The following STK32B variants were observed in gnomAD, a reference collection of about 807,000 sequenced individuals.
STK32B encodes the protein serine/threonine kinase 32B.
Under a neutral mutation model 52.6 loss-of-function variants are expected in STK32B, and 43 were observed. The observed-to-expected ratio is 0.82, with a 90% CI of 0.64 to 1.05. STK32B has a LOEUF of 1.05. Among genes scored for constraint, STK32B ranks in the 50% least tolerant of loss-of-function variants. STK32B has a pLI of 0.00. For missense variants in STK32B, 621 were observed against 534.6 expected (o/e 1.16, Z -1.59); for synonymous variants, 238 against 204.3 (o/e 1.17, Z -1.41).
chr4:5,304,968 C>A lies in STK32B; in HGVS notation c.261-26252C>A, dbSNP rs1200613845. On this transcript the variant is annotated intron_variant, in intron 3 of 11. Transcript: ENST00000282908. Reference sequence around the variant, plus strand: ...GATCATGTGGTTTTTGTTTTTAATTCTGTTCATGTAGTGTATCACATTTAT... The same window carrying A: ...GATCATGTGGTTTTTGTTTTTAATTATGTTCATGTAGTGTATCACATTTAT... 2.0e-5 allele frequency among the ~76,000 whole-genome samples: 3 copies of A among 151,908 alleles called. No individual in the cohort carries two copies. In the East Asian group the frequency reaches 5.8e-4, roughly 29 times the overall value.
intron 11 of STK32B, among the ~76,000 whole-genome samples, chr4:5,473,600 C>A (rs1007207372): frequency 6.6e-6 from 1 of 152,128 alleles, no homozygotes; most frequent in Non-Finnish European, 1.5e-5. Flanking sequence ...CAAAATAGCC[C>A]CTGGCCATGT....
At chr4:5,202,103 G>A (rs1227794148) in intron 3 of STK32B, among the ~76,000 whole-genome samples, 1 of 152,192 alleles carries the variant, frequency 6.6e-6, no homozygotes, top group African/African-American at 2.4e-5. Flanking sequence ...TCAAAAGCAA[G>A]TTAGTTACTT....
chr4:5,064,406 TATAATATATAAATATATACTTATATAC>T (rs1742333024), intron 1 of STK32B, among the ~76,000 whole-genome samples: 7 of 123,972 alleles, frequency 5.6e-5, no homozygotes, highest in African/African-American at 1.8e-4. Context: ...CTTATATACA[TATAATATATAAATATATACTTATATAC>T]ATATAATATA....
At chr4:5,227,712 CT>C (rs371155863) in intron 3 of STK32B, among the ~76,000 whole-genome samples, 45 of 152,310 alleles carry the variant, frequency 3.0e-4, no homozygotes, top group African/African-American at 1.0e-3. Context: ...TTCTCCCCCC[CT>C]GGAGAGAAGT....
chr4:5,442,276 A>G (rs1334930986), intron 6 of STK32B, among the ~76,000 whole-genome samples: 1 of 150,932 alleles, frequency 6.6e-6, no homozygotes, highest in Non-Finnish European at 1.5e-5. Flanking sequence ...TGCTTCATGA[A>G]TCTTGGTGCT....
rs1377014870 is a variant in STK32B at position 5,386,836 on chromosome 4, T to C, written c.435-11371T>C. On this transcript the variant is annotated intron_variant, in intron 4 of 11. Coordinates refer to ENST00000282908, the MANE Select transcript of STK32B (RefSeq NM_018401.3). This position sits in a 1 kb window ranked among gnomAD's most constrained non-coding sequence, Gnocchi z 4.5. ...TCCAATAGAAGTCACGTGGATAGAG[T>C]CGGATTCAGCCTTGATACGAACTTG... is the stretch of plus-strand genomic sequence containing the variant. 6.6e-6 allele frequency among the ~76,000 whole-genome samples: 1 copy of C among 151,870 alleles called. No individual in the cohort carries two copies. Among genetic ancestry groups the C allele is most frequent in the Non-Finnish European group, 1.5e-5 (1 of 67,956 alleles).
In STK32B at chr4:5,278,616, T is replaced by G. The variant is rs149408163; in HGVS notation, c.261-52604T>G. On this transcript the variant is annotated intron_variant, in intron 3 of 11. Transcript: ENST00000282908. ...GAATTTGAAAACCTAGGCATATACC[T>G]CAGAAGTACTGAGGCCTGAATCTAT... 3.1e-3 allele frequency among the ~76,000 whole-genome samples: 478 copies of G among 152,262 alleles called. 1 individual carries two copies. Among genetic ancestry groups the G allele is most frequent in the African/African-American group, 0.011 (447 of 41,538 alleles).
intron 6 of STK32B, among the ~76,000 whole-genome samples, chr4:5,446,401 A>G (rs559655144): frequency 1.3e-5 from 2 of 152,206 alleles, no homozygotes; most frequent in South Asian, 2.1e-4. Flanking sequence ...CCCCATCCCT[A>G]CTAAAAATAT....
intron 7 of STK32B, among the ~76,000 whole-genome samples, chr4:5,448,250 A>T (rs1715652723): frequency 6.6e-6 from 1 of 152,208 alleles, no homozygotes; most frequent in Admixed American, 6.5e-5. Context: ...TGTTCACTGA[A>T]TGAAAAGAAT....
chr4:5,470,478 C>T lies in STK32B; in HGVS notation c.1106+2408C>T, dbSNP rs1257800867. ...GGTCTGAGCTGTAGTTCTTCTTCTT[C>T]ATCCTGTCTCTGCTTACCTAAGTGC... is the stretch of plus-strand genomic sequence containing the variant. On this transcript the variant is annotated intron_variant, in intron 11 of 11. Coordinates refer to ENST00000282908, the MANE Select transcript of STK32B (RefSeq NM_018401.3). The surrounding 1 kb of genome is among the most constrained non-coding windows in gnomAD (Gnocchi z 4.6). Among the ~76,000 whole-genome samples the T allele has an allele frequency of 6.6e-6, 1 of 152,152 alleles. No individual in the cohort carries two copies. The highest frequency in any genetic ancestry group is 1.5e-5 in the Non-Finnish European group (1 of 68,022).
chr4:5,205,443 A>G (rs1236752550), intron 3 of STK32B, among the ~76,000 whole-genome samples: 1 of 152,110 alleles, frequency 6.6e-6, no homozygotes, highest in Non-Finnish European at 1.5e-5. Flanking sequence ...TTCTCTCCAA[A>G]GACAAGGCAA....
At chr4:5,434,658 C>T (rs3892910) in intron 6 of STK32B, among the ~76,000 whole-genome samples, 14,231 of 152,002 alleles carry the variant, frequency 0.094, 1,033 homozygotes, top group East Asian at 0.41. Flanking sequence ...CTTTGCTTCC[C>T]GAAATGGAGG....
chr4:5,172,604 A>G (rs1719477692), intron 3 of STK32B, among the ~76,000 whole-genome samples: 1 of 152,002 alleles, frequency 6.6e-6, no homozygotes, highest in Non-Finnish European at 1.5e-5. Flanking sequence ...TATATGCTGG[A>G]TTACGTTTAT....
chr4:5,325,496 C>A (rs979039214), intron 3 of STK32B, among the ~76,000 whole-genome samples: 3 of 151,960 alleles, frequency 2.0e-5, no homozygotes, highest in Non-Finnish European at 2.9e-5. Flanking sequence ...TCTTGGATTT[C>A]TTTTTTATTC....
In STK32B at chr4:5,173,209, A is replaced by G. The variant is rs1462143345; in HGVS notation, c.260+4759A>G. On this transcript the variant is annotated intron_variant, in intron 3 of 11. Transcript: ENST00000282908. ...TGGATTCTTCTCTCTTTTCTTCTTT[A>G]TTAGTCTTGCAGTCTATCAATTTTG... 2.6e-5 allele frequency among the ~76,000 whole-genome samples: 4 copies of G among 151,922 alleles called. No individual in the cohort carries two copies. The East Asian group carries it at 7.7e-4, about 29-fold the overall frequency.
chr4:5,356,006 G>A (rs771659684), intron 4 of STK32B, among the ~76,000 whole-genome samples: 23 of 152,168 alleles, frequency 1.5e-4, no homozygotes, highest in Non-Finnish European at 2.6e-4. Context: ...CCAGGAGGAT[G>A]CCACTGAGAG....
chr4:5,096,092 A>G (rs1438568762), intron 1 of STK32B, among the ~76,000 whole-genome samples: 1 of 152,236 alleles, frequency 6.6e-6, no homozygotes, highest in Non-Finnish European at 1.5e-5. Flanking sequence ...CAATGAGCAT[A>G]TGCTATAATA....
intron 3 of STK32B, among the ~76,000 whole-genome samples, chr4:5,301,512 A>G (rs1315398978): frequency 6.6e-6 from 1 of 151,692 alleles, no homozygotes; most frequent in African/African-American, 2.4e-5. Context: ...TTGTTTACAT[A>G]TTTCTACTAA....
At chr4:5,172,329 G>A (rs1719451403) in intron 3 of STK32B, among the ~76,000 whole-genome samples, 1 of 152,140 alleles carries the variant, frequency 6.6e-6, no homozygotes. Flanking sequence ...GCCCTGGCCA[G>A]AACCTCCAAC....
Sources: gnomAD v4.1 joint callset for allele counts (sites outside exome capture counted in the v4.1 genomes callset) on GRCh38, gnomAD v4.1.1 for gene constraint, Gnocchi (gnomAD v3.1) non-coding constraint, MANE v1.5 for transcripts, NCBI Gene and HGNC (gene_info 2026-07-23, HGNC 2026-07-21) for gene names.